ZNF727: variants seen among roughly 807,000 people sequenced by gnomAD.
ZNF727 encodes zinc finger protein 727.
In ZNF727, 11 loss-of-function variants were observed where a neutral mutation model predicts 11.5. The observed-to-expected ratio is 0.95, with a 90% CI of 0.60 to 1.58. The LOEUF is 1.58. Ranked by LOEUF, ZNF727 falls within the 40% of genes most tolerant of loss-of-function variation. The pLI is 0.00. For synonymous variants in ZNF727, 171 were observed against 196.1 expected (o/e 0.87, Z 1.07); for missense variants, 533 against 581.7 (o/e 0.92, Z 0.86).
chr7:64,068,222 G>A (rs1789901941), intron 1 of ZNF727, among the ~76,000 whole-genome samples: 3 of 151,006 alleles, frequency 2.0e-5, no homozygotes, highest in South Asian at 4.2e-4. Context: ...GGTACCTTGA[G>A]GAGTTTTATC....
In ZNF727 at chr7:64,078,899, C is replaced by T. The variant is rs1168074303; in HGVS notation, c.*350C>T. Among the ~76,000 whole-genome samples the T allele has an allele frequency of 6.6e-6, 1 of 151,938 alleles. No individual in the cohort carries two copies. Among genetic ancestry groups the T allele is most frequent in the African/African-American group, 2.4e-5 (1 of 41,354 alleles). On this transcript the variant is annotated 3_prime_UTR_variant, in exon 4 of 4. Transcript: ENST00000456806. ...TAAGATAATTCATATTGGAGAGAAA[C>T]CCTACAAATGTAATGAATGTGGAAA...
chr7:64,059,390 T>G (rs1234505170), intron 1 of ZNF727, among the ~76,000 whole-genome samples: 2 of 152,226 alleles, frequency 1.3e-5, no homozygotes, highest in Non-Finnish European at 2.9e-5. Context: ...TATAGAAACT[T>G]GTAGTCTTCT....
chr7:64,047,450 T>TA (rs1789526722), intron 1 of ZNF727, among the ~76,000 whole-genome samples: 1 of 152,216 alleles, frequency 6.6e-6, no homozygotes, highest in Non-Finnish European at 1.5e-5. Flanking sequence ...TCATCTTCTC[T>TA]AGGCACGCGC....
At chr7:64,059,428 A>T (rs1183663143) in intron 1 of ZNF727, among the ~76,000 whole-genome samples, 1 of 152,214 alleles carries the variant, frequency 6.6e-6, no homozygotes, top group Admixed American at 6.5e-5. Context: ...CGCCTGTAGA[A>T]ATAAGAACTT....
rs944261683 is a variant in ZNF727, at chr7:64,082,082, G to A, written c.*3533G>A. On this transcript the variant is annotated 3_prime_UTR_variant, in exon 4 of 4. Coordinates refer to ENST00000456806, the MANE Select transcript of ZNF727 (RefSeq NM_001159522.3). ...TCTCTCCTTGGGTAAACTACAGCTC[G>A]TTTGAGGTGTGAATAAGGCACTTAG... is the stretch of plus-strand genomic sequence containing the variant. 6.6e-5 allele frequency among the ~76,000 whole-genome samples: 10 copies of A among 152,136 alleles called. No homozygotes were observed. Among genetic ancestry groups the A allele is most frequent in the South Asian group, 2.1e-4 (1 of 4,826 alleles).
rs61739726 is a variant in ZNF727, at chr7:64,077,296, G to T, written c.247G>T (p.Ala83Ser). Reference sequence around the variant, plus strand: ...TTCAGCTGGCTCTTTGCATTTTACTGCAGAGATATTGCTGGAGCACGACAT... The same window carrying T: ...TTCAGCTGGCTCTTTGCATTTTACTTCAGAGATATTGCTGGAGCACGACAT... ...KHPAGSLHFT[A>S]EILLEHDIND... The change falls in exon 4 of 4, where the codon GCA (alanine) becomes TCA (serine). Residue 83 changes from alanine (A) to serine (S), a missense_variant. Ala to Ser is a moderately conservative substitution (Grantham distance 99, BLOSUM62 1). Coordinates refer to ENST00000456806, the MANE Select transcript of ZNF727 (RefSeq NM_001159522.3). The T allele has an allele frequency of 6.6e-7, 1 of 1,526,372 alleles. No homozygotes were observed. The highest frequency in any genetic ancestry group is 8.8e-7 in the Non-Finnish European group (1 of 1,136,876). The allele number at this position is 1,526,372 out of a possible 1,614,324, so 94.6% of individuals were successfully genotyped here.
Position 64,085,198 on chromosome 7 carries a change from G to A in ZNF727, c.*6649G>A, listed in dbSNP as rs1452418376. On this transcript the variant is annotated 3_prime_UTR_variant, in exon 4 of 4. Transcript: ENST00000456806. The stretch of plus-strand genomic sequence containing the variant: ...TTTCACATGTAATTTCACACTGAGT[G>A]TATTATTGTATGTTATTTAGTATAT... Among the ~76,000 whole-genome samples, 1 of 152,210 alleles carries A rather than the reference G, an allele frequency of 6.6e-6. No individual in the cohort carries two copies. Among genetic ancestry groups the A allele is most frequent in the Non-Finnish European group, 1.5e-5 (1 of 67,998 alleles).
At position 64,081,476 on chromosome 7, in the gene ZNF727, G is replaced by A. The variant is rs1785792010; in HGVS notation, c.*2927G>A. On this transcript the variant is annotated 3_prime_UTR_variant, in exon 4 of 4. Coordinates refer to ENST00000456806, the MANE Select transcript of ZNF727 (RefSeq NM_001159522.3). ...AACTCACCTTTGCAGACATGTGCCA[G>A]CAAAGTAATATGGGGAGTTGCCATG... 6.6e-6 allele frequency among the ~76,000 whole-genome samples: 1 copy of A among 152,106 alleles called. No individual in the cohort carries two copies. Among genetic ancestry groups the A allele is most frequent in the Non-Finnish European group, 1.5e-5 (1 of 68,022 alleles).
intron 3 of ZNF727, among the ~76,000 whole-genome samples, chr7:64,071,896 A>C (rs763949793): frequency 7.9e-5 from 12 of 152,076 alleles, no homozygotes; most frequent in Non-Finnish European, 1.5e-4. Context: ...AGTTGATCTT[A>C]CATGATTTGT....
At chr7:64,060,436 C>T (rs1213372199) in intron 1 of ZNF727, among the ~76,000 whole-genome samples, 1 of 152,128 alleles carries the variant, frequency 6.6e-6, no homozygotes, top group Non-Finnish European at 1.5e-5. Context: ...CAGAATATTT[C>T]TGTGCCTATT....
rs1266023756 is a variant in ZNF727, at chr7:64,045,628, A to G, written c.3+4A>G. 3.8e-6 allele frequency: 6 copies of G among 1,559,030 alleles called. No individual in the cohort carries two copies. The highest frequency in any genetic ancestry group is 3.5e-5 in the South Asian group (3 of 84,530). On this transcript the variant is annotated splice_donor_region_variant and intron_variant, in intron 1 of 3. Transcript: ENST00000456806. ...AACATCCGGAGGCTGGGAAATGGTG[A>G]GTGCGCGGAGTGGGTGTCCCGAGAA... is the stretch of plus-strand genomic sequence containing the variant.
intron 1 of ZNF727, among the ~76,000 whole-genome samples, chr7:64,065,748 C>T (rs1789853735): frequency 1.3e-5 from 2 of 152,142 alleles, no homozygotes; most frequent in Admixed American, 1.3e-4. Flanking sequence ...AACTCCTTTT[C>T]CACTTTTTAT....
At chr7:64,066,386 A>C (rs902935808) in intron 1 of ZNF727, among the ~76,000 whole-genome samples, 62 of 152,318 alleles carry the variant, frequency 4.1e-4, no homozygotes, top group African/African-American at 1.4e-3. Context: ...GCATCATGCT[A>C]CCTGACTTCA....
At chr7:64,064,417 C>T (rs1166528662) in intron 1 of ZNF727, among the ~76,000 whole-genome samples, 1 of 152,156 alleles carries the variant, frequency 6.6e-6, no homozygotes, top group Non-Finnish European at 1.5e-5. Flanking sequence ...AAGGGGGCCT[C>T]AGAGCTTTTT....
At chr7:64,047,234 C>A (rs1340219010) in intron 1 of ZNF727, among the ~76,000 whole-genome samples, 2 of 152,170 alleles carry the variant, frequency 1.3e-5, no homozygotes, top group East Asian at 3.9e-4. Flanking sequence ...AATTTCTTTC[C>A]CACATTCCCC....
chr7:64,062,685 A>AAT (rs71057374), intron 1 of ZNF727, among the ~76,000 whole-genome samples: 16,229 of 89,924 alleles, frequency 0.18, 2,536 homozygotes, highest in East Asian at 0.33. Flanking sequence ...CTTGTACTTG[A>AAT]ATATATATAT....
At chr7:64,054,687 T>C (rs941275027) in intron 1 of ZNF727, among the ~76,000 whole-genome samples, 1 of 152,234 alleles carries the variant, frequency 6.6e-6, no homozygotes, top group African/African-American at 2.4e-5. Flanking sequence ...CACAGGATTG[T>C]CTGTTTTTTA....
intron 1 of ZNF727, among the ~76,000 whole-genome samples, chr7:64,062,322 TC>T (rs1190481010): frequency 6.6e-6 from 1 of 152,096 alleles, no homozygotes; most frequent in Admixed American, 6.6e-5. Context: ...AATGTTCTAT[TC>T]TTTTAGATTG....
chr7:64,055,800 T>C (rs1018160107), intron 1 of ZNF727, among the ~76,000 whole-genome samples: 4 of 152,234 alleles, frequency 2.6e-5, no homozygotes, highest in African/African-American at 7.2e-5. Context: ...CTATTGTGAA[T>C]AGTGCTGCCA....
Sources: gnomAD v4.1 joint callset for allele counts (sites outside exome capture counted in the v4.1 genomes callset) on GRCh38, gnomAD v4.1.1 for gene constraint, MANE v1.5 for transcripts, NCBI Gene and HGNC (gene_info 2026-07-23, HGNC 2026-07-21) for gene names.